Variants in HSD11B1 observed in about 807,000 individuals in gnomAD.
HSD11B1 encodes hydroxysteroid 11-beta dehydrogenase 1.
A neutral mutation model predicts 22.1 loss-of-function variants in HSD11B1; 15 were observed. That is an observed-to-expected ratio of 0.68 (90% CI 0.45 to 1.04). The LOEUF (loss-of-function observed/expected upper bound fraction) is 1.04. HSD11B1 is among the 50% of genes least tolerant of loss of function. The pLI, the probability that HSD11B1 is intolerant of heterozygous loss-of-function variation, is 0.00. For synonymous variants in HSD11B1, 122 were observed against 125.2 expected (o/e 0.97, Z 0.17); for missense variants, 281 against 357.6 (o/e 0.79, Z 1.73).
rs1215484460 is a variant in HSD11B1 at position 209,727,335 on chromosome 1, C to T, written c.518-5101C>T. On this transcript the variant is annotated intron_variant, in intron 4 of 5. Transcript: ENST00000367027. ...TGGATTCCAGTTCTGTAAGAGAACA[C>T]ATTTCTGTAGTCTTACGCTACCAAG... Among the ~76,000 whole-genome samples, 3 of 152,172 alleles carry T rather than the reference C, an allele frequency of 2.0e-5. No homozygotes were observed. The East Asian group carries it at 5.8e-4, about 29-fold the overall frequency.
chr1:209,711,644 T>A (rs2076896164), intron 4 of HSD11B1, among the ~76,000 whole-genome samples: 1 of 151,960 alleles, frequency 6.6e-6, no homozygotes, highest in Admixed American at 6.6e-5. Context: ...AGACGTGTCA[T>A]CCATAGGGCC....
chr1:209,692,619 T>TG (rs75112051), intron 1 of HSD11B1, among the ~76,000 whole-genome samples: 1 of 32,574 alleles, frequency 3.1e-5, no homozygotes, highest in African/African-American at 1.3e-4. Flanking sequence ...GGGGGGGGGG[T>TG]GGGGGCTCGG....
intron 4 of HSD11B1, among the ~76,000 whole-genome samples, chr1:209,728,688 G>A (rs1034739597): frequency 6.6e-6 from 1 of 152,188 alleles, no homozygotes; most frequent in South Asian, 2.1e-4. Flanking sequence ...TCTCTTCCAT[G>A]TGTGGCTTCA....
chr1:209,733,637 A>C (rs956408485), intron 5 of HSD11B1, among the ~76,000 whole-genome samples: 1 of 152,232 alleles, frequency 6.6e-6, no homozygotes, highest in African/African-American at 2.4e-5. Flanking sequence ...CAATTTTTAC[A>C]ACTTTTCTGT....
rs566328596 is a variant in HSD11B1, at chr1:209,691,171, C to T, written c.-49+4886C>T. 1.6e-4 allele frequency among the ~76,000 whole-genome samples: 25 copies of T among 152,298 alleles called. No individual in the cohort carries two copies. In the South Asian group the frequency reaches 4.1e-3, roughly 25 times the overall value. On this transcript the variant is annotated intron_variant, in intron 1 of 6. Transcript: ENST00000261465. ...TAGAAACTGAAAGGCAAGACAGCAA[C>T]ATCTTCCAATTCTCAGAGAAAACTT...
rs1171779229 is a variant in HSD11B1 at position 209,732,310 on chromosome 1, G to T, written c.518-126G>T. The T allele has an allele frequency of 3.0e-6, 3 of 990,368 alleles. No individual in the cohort carries two copies. In the African/African-American group the frequency reaches 4.8e-5, roughly 16 times the overall value. The allele number at this position is 990,368 out of a possible 1,614,324, so 61.3% of individuals were successfully genotyped here. A position where few individuals can be genotyped will look rare whatever the true frequency, so the allele number is the denominator to read the frequency against. On this transcript the variant is annotated intron_variant, in intron 4 of 5. Coordinates refer to ENST00000367027, the MANE Select transcript of HSD11B1 (RefSeq NM_005525.4). ...CAACACAGCAGTATAACTTCCATGG[G>T]GAATATAGAGAAACTAAGACTCAAA...
At chr1:209,724,156 A>G (rs1213517753) in intron 4 of HSD11B1, 1 of 152,186 alleles carries the variant, frequency 6.6e-6, no homozygotes, top group Non-Finnish European at 1.5e-5. Context: ...TACAAGGGAG[A>G]GTTTCCATAG....
rs144270341 is a variant in HSD11B1, at chr1:209,709,825, G to A, written c.517+2697G>A. Among the ~76,000 whole-genome samples, 4 of 152,224 alleles carry A rather than the reference G, an allele frequency of 2.6e-5. No individual in the cohort carries two copies. The East Asian group carries it at 7.7e-4, about 29-fold the overall frequency. On this transcript the variant is annotated intron_variant, in intron 4 of 5. Coordinates refer to ENST00000367027, the MANE Select transcript of HSD11B1 (RefSeq NM_005525.4). ...CAACTAAAAATCAGAAGTTCTATTT[G>A]TGTAAAAGACACTGATATTGATAAA...
upstream of HSD11B1, among the ~76,000 whole-genome samples, chr1:209,702,666 T>G (rs2076832594): frequency 6.6e-6 from 1 of 152,194 alleles, no homozygotes; most frequent in South Asian, 2.1e-4. Context: ...TTCTTGAGCT[T>G]TAGAAAAAAA....
intron 4 of HSD11B1, among the ~76,000 whole-genome samples, chr1:209,719,489 T>C (rs2076951576): frequency 6.6e-6 from 1 of 152,066 alleles, no homozygotes; most frequent in Non-Finnish European, 1.5e-5. Flanking sequence ...ATGAAAAGAG[T>C]TCTGGAGATG....
Position 209,734,606 on chromosome 1 carries a change from T to G in HSD11B1, c.*85T>G. 9.8e-7 allele frequency: 1 copy of G among 1,020,604 alleles called. No individual in the cohort carries two copies. Among genetic ancestry groups the G allele is most frequent in the Non-Finnish European group, 1.5e-6 (1 of 654,108 alleles). The allele number at this position is 1,020,604 out of a possible 1,614,324, so 63.2% of individuals were successfully genotyped here. A position where few individuals can be genotyped will look rare whatever the true frequency, so the allele number is the denominator to read the frequency against. On this transcript the variant is annotated 3_prime_UTR_variant, in exon 6 of 6. Coordinates refer to ENST00000367027, the MANE Select transcript of HSD11B1 (RefSeq NM_005525.4). ...CTGAGCTCTTATCTATGAAGACATCTTCCCAGAGTGTCCCCAGAGACATGC... is the reference window on the plus strand; with the variant it reads ...CTGAGCTCTTATCTATGAAGACATCGTCCCAGAGTGTCCCCAGAGACATGC...
At chr1:209,701,731 G>A (rs1367431130), upstream of HSD11B1, among the ~76,000 whole-genome samples, 3 of 152,176 alleles carry the variant, frequency 2.0e-5, no homozygotes, top group African/African-American at 7.2e-5. Context: ...TTTCTTTCAT[G>A]ATCAACGTTT....
chr1:209,691,202 G>A (rs2076757786), intron 1 of HSD11B1, among the ~76,000 whole-genome samples: 1 of 152,122 alleles, frequency 6.6e-6, no homozygotes, highest in Non-Finnish European at 1.5e-5. Context: ...AACTTACCTA[G>A]AAATCCTTAC....
At chr1:209,693,154 T>G (rs1006351321) in intron 1 of HSD11B1, among the ~76,000 whole-genome samples, 6 of 152,186 alleles carry the variant, frequency 3.9e-5, no homozygotes, top group Non-Finnish European at 5.9e-5. Flanking sequence ...CTCGTTCAGT[T>G]CCCTATTAGG....
At chr1:209,729,793 G>A (rs1256870093) in intron 4 of HSD11B1, among the ~76,000 whole-genome samples, 4 of 152,150 alleles carry the variant, frequency 2.6e-5, no homozygotes, top group African/African-American at 7.2e-5. Context: ...GATCAAGTAG[G>A]ATTCATCTTC....
intron 4 of HSD11B1, among the ~76,000 whole-genome samples, chr1:209,724,818 T>C (rs1571884653): frequency 6.6e-6 from 1 of 152,350 alleles, no homozygotes; most frequent in East Asian, 1.9e-4. Context: ...TGCACCAATG[T>C]TGTTTGAGAA....
intron 4 of HSD11B1, among the ~76,000 whole-genome samples, chr1:209,717,862 A>G (rs141455830): frequency 1.5e-5 from 2 of 131,470 alleles, no homozygotes; most frequent in African/African-American, 6.5e-5. Context: ...ACAGGGTTAG[A>G]CTCCATCTCA....
At chr1:209,692,364 A>G (rs2076764947) in intron 1 of HSD11B1, among the ~76,000 whole-genome samples, 1 of 152,142 alleles carries the variant, frequency 6.6e-6, no homozygotes, top group African/African-American at 2.4e-5. Context: ...ATCTCAGTAA[A>G]GAACTGGACT....
At chr1:209,697,884 C>CTTTTTTT (rs988076432) in intron 1 of HSD11B1, among the ~76,000 whole-genome samples, 663 of 41,550 alleles carry the variant, frequency 0.016, 180 homozygotes, top group East Asian at 0.037. Context: ...TTGTTTTTTC[C>CTTTTTTT]TTTTTTTTTT....
Sources: gnomAD v4.1 joint callset for allele counts (sites outside exome capture counted in the v4.1 genomes callset) on GRCh38, gnomAD v4.1.1 for gene constraint, MANE v1.5 for transcripts, NCBI Gene and HGNC (gene_info 2026-07-23, HGNC 2026-07-21) for gene names.